The following XYLT1 variants were observed in gnomAD, a reference collection of about 807,000 sequenced individuals.
The protein encoded by XYLT1 is beta-D-xylosyltransferase 1.
XYLT1 carries 36 observed loss-of-function variants against 91.3 expected under a neutral mutation model. The ratio of observed to expected loss-of-function variants is 0.39; its 90% CI spans 0.30 to 0.52. The LOEUF is 0.52. XYLT1 is among the 20% of genes least tolerant of loss of function. XYLT1 has a pLI of 0.68. For missense variants in XYLT1, 1,242 were observed against 1,284.5 expected (o/e 0.97, Z 0.51); for synonymous variants, 588 against 532.0 (o/e 1.11, Z -1.45).
chr16:17,192,155 A>G (rs944084947), intron 5 of XYLT1, among the ~76,000 whole-genome samples: 1 of 144,782 alleles, frequency 6.9e-6, no homozygotes, highest in Non-Finnish European at 1.5e-5. Flanking sequence ...CTGGAGTGCA[A>G]TGTCATGATC....
chr16:17,312,207 C>T lies in XYLT1; in HGVS notation c.402+45805G>A, dbSNP rs1017954067. ...AATGAAGCAGGCGTGAAGCCAGGCA[C>T]GCCCAGGGGGTGACTCATCTGCTGT... is the stretch of plus-strand genomic sequence containing the variant. On this transcript the variant is annotated intron_variant, in intron 2 of 11. Coordinates refer to ENST00000261381, the MANE Select transcript of XYLT1 (RefSeq NM_022166.4). This position sits in a 1 kb window ranked among gnomAD's most constrained non-coding sequence, Gnocchi z 4.4. 5.3e-5 allele frequency among the ~76,000 whole-genome samples: 8 copies of T among 152,160 alleles called. No individual in the cohort carries two copies. The highest frequency in any genetic ancestry group is 9.7e-5 in the African/African-American group (4 of 41,436).
At chr16:17,435,144 G>A (rs767102897) in intron 1 of XYLT1, among the ~76,000 whole-genome samples, 34 of 152,290 alleles carry the variant, frequency 2.2e-4, no homozygotes, top group Admixed American at 6.5e-4. Flanking sequence ...GGCGTGGCAC[G>A]CACCATATGC....
intron 1 of XYLT1, among the ~76,000 whole-genome samples, chr16:17,365,375 A>C (rs1256451288): frequency 6.6e-6 from 1 of 152,142 alleles, no homozygotes; most frequent in Admixed American, 6.5e-5. Context: ...GGCAGGCGGC[A>C]TGGGGTGATG....
chr16:17,158,461 CTGAA>C (rs1567300657), intron 6 of XYLT1, among the ~76,000 whole-genome samples: 1 of 152,206 alleles, frequency 6.6e-6, no homozygotes, highest in East Asian at 1.9e-4. Context: ...GAGTGGCTGA[CTGAA>C]TGAACGATCT....
At chr16:17,232,180 A>ATATATTATATATAAAATATATAATATAT in intron 3 of XYLT1, among the ~76,000 whole-genome samples, 2 of 144,148 alleles carry the variant, frequency 1.4e-5, no homozygotes, top group African/African-American at 2.5e-5. Flanking sequence ...ATTATACAAT[A>ATATATTATATATAAAATATATAATATAT]TATACTATAT....
At chr16:17,301,130 G>C (rs1237376848) in intron 2 of XYLT1, among the ~76,000 whole-genome samples, 1 of 152,106 alleles carries the variant, frequency 6.6e-6, no homozygotes, top group Non-Finnish European at 1.5e-5. Context: ...AAAATCTTAG[G>C]CTGGGCACAG....
chr16:17,242,743 T>C (rs2033366475), intron 3 of XYLT1, among the ~76,000 whole-genome samples: 1 of 152,256 alleles, frequency 6.6e-6, no homozygotes, highest in African/African-American at 2.4e-5. Context: ...ATTGAAATTC[T>C]ACGGCCATTA....
chr16:17,246,919 C>A (rs546706276), intron 3 of XYLT1, among the ~76,000 whole-genome samples: 7 of 152,162 alleles, frequency 4.6e-5, no homozygotes, highest in African/African-American at 7.2e-5. Flanking sequence ...AGGGAACAGG[C>A]AAGGTGGTTT....
At chr16:17,253,048 T>A (rs1277212500) in intron 3 of XYLT1, among the ~76,000 whole-genome samples, 1 of 152,158 alleles carries the variant, frequency 6.6e-6, no homozygotes, top group Non-Finnish European at 1.5e-5. Context: ...CTCAAATCCC[T>A]CCTAAGCAGA....
At chr16:17,400,318 C>A (rs2035947164) in intron 1 of XYLT1, among the ~76,000 whole-genome samples, 1 of 152,080 alleles carries the variant, frequency 6.6e-6, no homozygotes, top group Non-Finnish European at 1.5e-5. Context: ...GGGCTGGGCG[C>A]CATGGCTCAC....
intron 3 of XYLT1, among the ~76,000 whole-genome samples, chr16:17,251,993 C>T (rs181274940): frequency 6.6e-6 from 1 of 152,138 alleles, no homozygotes; most frequent in Non-Finnish European, 1.5e-5. Context: ...GCAGACCCAG[C>T]AAGACGTGGC....
At position 17,312,617 on chromosome 16, in the gene XYLT1, G is replaced by A. The variant is rs58318732; in HGVS notation, c.402+45395C>T. Among the ~76,000 whole-genome samples, 488 of 152,220 alleles carry A rather than the reference G, an allele frequency of 3.2e-3. 4 individuals are homozygous for A. Among genetic ancestry groups the A allele is most frequent in the African/African-American group, 0.011 (442 of 41,532 alleles). On this transcript the variant is annotated intron_variant, in intron 2 of 11. Transcript: ENST00000261381. This position sits in a 1 kb window ranked among gnomAD's most constrained non-coding sequence, Gnocchi z 4.4. ...TTCACATCAGTACAATACTGTTAAC[G>A]GGACTGCAGATTTTGTTTTTGTTTT...
chr16:17,456,175 G>T (rs2036738836), intron 1 of XYLT1, among the ~76,000 whole-genome samples: 1 of 151,944 alleles, frequency 6.6e-6, no homozygotes, highest in Non-Finnish European at 1.5e-5. Flanking sequence ...CAGCTTCCTA[G>T]ATGTCCACGT....
chr16:17,464,201 T>C (rs1485610261), intron 1 of XYLT1, among the ~76,000 whole-genome samples: 1 of 151,956 alleles, frequency 6.6e-6, no homozygotes. Flanking sequence ...TCAAAATAGC[T>C]AGAAGACCCG....
chr16:17,437,535 T>A (rs1482445594), intron 1 of XYLT1, among the ~76,000 whole-genome samples: 1 of 152,176 alleles, frequency 6.6e-6, no homozygotes, highest in Non-Finnish European at 1.5e-5. Context: ...CTGCTTGGAA[T>A]GCACTTGTAT....
intron 1 of XYLT1, among the ~76,000 whole-genome samples, chr16:17,429,238 C>G (rs2036358052): frequency 6.6e-6 from 1 of 152,222 alleles, no homozygotes; most frequent in South Asian, 2.1e-4. Flanking sequence ...GCTTAAGTCT[C>G]TAACTGCTTA....
At chr16:17,268,819 C>T (rs531355380) in intron 2 of XYLT1, among the ~76,000 whole-genome samples, 71 of 152,122 alleles carry the variant, frequency 4.7e-4, no homozygotes, top group Middle Eastern at 3.4e-3. Flanking sequence ...ATTACAGGTG[C>T]CCGCCACCAT....
intron 3 of XYLT1, among the ~76,000 whole-genome samples, chr16:17,256,025 A>C (rs1435091151): frequency 6.6e-6 from 1 of 152,162 alleles, no homozygotes; most frequent in Non-Finnish European, 1.5e-5. Context: ...AAACAAAACA[A>C]AACAGATAGA....
chr16:17,258,740 C>T (rs900291980), intron 3 of XYLT1, among the ~76,000 whole-genome samples: 7 of 152,222 alleles, frequency 4.6e-5, no homozygotes, highest in African/African-American at 1.7e-4. Context: ...ACTATAATTT[C>T]ATCCTTTGCC....
Sources: gnomAD v4.1 joint callset for allele counts (sites outside exome capture counted in the v4.1 genomes callset) on GRCh38, gnomAD v4.1.1 for gene constraint, Gnocchi (gnomAD v3.1) non-coding constraint, MANE v1.5 for transcripts, NCBI Gene and HGNC (gene_info 2026-07-23, HGNC 2026-07-21) for gene names.